Variants in XRRA1 observed in about 807,000 individuals in gnomAD.
The protein encoded by XRRA1 is X-ray radiation resistance-associated protein 1.
A neutral mutation model predicts 80.2 loss-of-function variants in XRRA1; 69 were observed. That is an observed-to-expected ratio of 0.86 (90% CI 0.71 to 1.05). The LOEUF (loss-of-function observed/expected upper bound fraction) is 1.05, where lower values mean the gene tolerates loss of function less well. Among genes scored for constraint, XRRA1 ranks in the 50% least tolerant of loss-of-function variants. XRRA1 has a pLI of 0.00. For synonymous variants in XRRA1, 348 were observed against 389.9 expected, an observed-to-expected ratio of 0.89 and a Z score of 1.27; for missense variants, 967 against 976.4, an observed-to-expected ratio of 0.99 and a Z score of 0.13.
intron 8 of XRRA1, among the ~76,000 whole-genome samples, chr11:74,915,089 G>A (rs1938176591): frequency 6.6e-6 from 1 of 152,178 alleles, no homozygotes; most frequent in Admixed American, 6.5e-5. Context: ...GCCCCACACA[G>A]GAGTGACCAA....
intron 8 of XRRA1, among the ~76,000 whole-genome samples, chr11:74,917,805 T>C (rs1565400629): frequency 1.3e-5 from 2 of 152,172 alleles, no homozygotes; most frequent in East Asian, 1.9e-4. Flanking sequence ...GAGGTACTTT[T>C]ACCAAGAGAC....
chr11:74,844,404 A>G, intron 16 of XRRA1, 121 bp from the exon 17 acceptor site: 1 of 702,624 alleles, frequency 1.4e-6, no homozygotes, highest in Non-Finnish European at 2.5e-6. Flanking sequence ...GAGAGTCCCC[A>G]AAAGAAAACA....
chr11:74,920,878 G>A (rs1940531508), intron 8 of XRRA1, among the ~76,000 whole-genome samples: 1 of 152,228 alleles, frequency 6.6e-6, no homozygotes. Context: ...CAGCAAAGGT[G>A]CAGAGTGGGA....
At chr11:74,921,453 C>G (rs966719353) in intron 7 of XRRA1, 106 bp from the exon 8 acceptor site, 2 of 1,402,814 alleles carry the variant, frequency 1.4e-6, no homozygotes, top group South Asian at 2.7e-5. Flanking sequence ...GCCCACAGGA[C>G]AAAACCCTCC....
intron 11 of XRRA1, among the ~76,000 whole-genome samples, chr11:74,862,550 A>G (rs2135962382): frequency 6.6e-6 from 1 of 152,388 alleles, no homozygotes; most frequent in Non-Finnish European, 1.5e-5. Flanking sequence ...TAAGCCTGTG[A>G]CATCAACGAT....
At chr11:74,935,839 C>T (rs1944839698) in intron 4 of XRRA1, among the ~76,000 whole-genome samples, 1 of 152,034 alleles carries the variant, frequency 6.6e-6, no homozygotes, top group Non-Finnish European at 1.5e-5. Context: ...GGGTAACAAG[C>T]TGTATTTATT....
chr11:74,901,790 A>G (rs998950228), intron 10 of XRRA1, among the ~76,000 whole-genome samples: 2 of 152,120 alleles, frequency 1.3e-5, no homozygotes, highest in Admixed American at 1.3e-4. Flanking sequence ...TGAATTAAAT[A>G]TAAGACCTCA....
intron 7 of XRRA1, among the ~76,000 whole-genome samples, chr11:74,923,051 C>T (rs758242026): frequency 6.6e-6 from 1 of 152,128 alleles, no homozygotes; most frequent in Non-Finnish European, 1.5e-5. Context: ...TGAAGACAGA[C>T]CAATCAGGGC....
chr11:74,908,378 TCA>T (rs1427203995), intron 8 of XRRA1, among the ~76,000 whole-genome samples: 2 of 152,098 alleles, frequency 1.3e-5, no homozygotes. Flanking sequence ...ATCACACCTT[TCA>T]CATTCACCTC....
chr11:74,875,901 T>G (rs550178583), intron 10 of XRRA1, among the ~76,000 whole-genome samples: 1 of 152,202 alleles, frequency 6.6e-6, no homozygotes, highest in Non-Finnish European at 1.5e-5. Context: ...AACAGGCATC[T>G]CCTTCCTCCT....
Position 74,949,091 on chromosome 11 carries a change from T to A in XRRA1, c.-236A>T, listed in dbSNP as rs183479264. The A allele has an allele frequency of 7.9e-4, 420 of 530,874 alleles. 1 individual carries two copies. Among genetic ancestry groups the A allele is most frequent in the Non-Finnish European group, 1.3e-3 (381 of 299,752 alleles). The allele number at this position is 530,874 out of a possible 1,614,324, so 32.9% of individuals were successfully genotyped here. On this transcript the variant is annotated 5_prime_UTR_variant, in exon 1 of 19. Coordinates refer to ENST00000684022, the MANE Select transcript of XRRA1 (RefSeq NM_001378157.1). Reference sequence around the variant, plus strand: ...GTAACTGCGACGCGACGGCAGACAGTGTAGGCGGCAACCGACGGCCGGGAC... The same window carrying A: ...GTAACTGCGACGCGACGGCAGACAGAGTAGGCGGCAACCGACGGCCGGGAC...
chr11:74,906,998 G>T, intron 9 of XRRA1, 147 bp downstream of exon 9: 1 of 1,102,314 alleles, frequency 9.1e-7, no homozygotes, highest in Non-Finnish European at 1.3e-6. Context: ...TCAGAGGGGA[G>T]AAATGACTTA....
intron 10 of XRRA1, among the ~76,000 whole-genome samples, chr11:74,864,961 T>C (rs1425421421): frequency 6.6e-6 from 1 of 152,152 alleles, no homozygotes; most frequent in African/African-American, 2.4e-5. Flanking sequence ...GGAAGACACA[T>C]GCCCCTCTGA....
chr11:74,849,443 G>A (rs1477775506), intron 14 of XRRA1, among the ~76,000 whole-genome samples: 2 of 152,164 alleles, frequency 1.3e-5, no homozygotes, highest in Non-Finnish European at 2.9e-5. Context: ...AAAATATGTG[G>A]AACCTCAGTG....
At chr11:74,867,759 C>G (rs912643239) in intron 10 of XRRA1, among the ~76,000 whole-genome samples, 1 of 151,932 alleles carries the variant, frequency 6.6e-6, no homozygotes, top group African/African-American at 2.4e-5. Flanking sequence ...AGACCATCCC[C>G]AAGAAACATA....
intron 10 of XRRA1, among the ~76,000 whole-genome samples, chr11:74,866,798 G>GTT (rs146314197): frequency 0.024 from 3,618 of 151,952 alleles, 120 homozygotes; most frequent in African/African-American, 0.083. Flanking sequence ...TACAGTCAGA[G>GTT]GAGAAAAAAG....
At chr11:74,938,695 C>A (rs1364056090) in intron 3 of XRRA1, among the ~76,000 whole-genome samples, 3 of 152,050 alleles carry the variant, frequency 2.0e-5, no homozygotes, top group African/African-American at 7.3e-5. Context: ...TGCCCTCACC[C>A]AATGAATTGA....
At chr11:74,871,258 A>C (rs2044708763) in intron 10 of XRRA1, among the ~76,000 whole-genome samples, 2 of 152,168 alleles carry the variant, frequency 1.3e-5, no homozygotes, top group Non-Finnish European at 2.9e-5. Context: ...CAAGAGTAGC[A>C]CCTTTTAACA....
chr11:74,894,630 C>A (rs780900951), intron 10 of XRRA1, among the ~76,000 whole-genome samples: 7 of 152,148 alleles, frequency 4.6e-5, no homozygotes, highest in Admixed American at 1.3e-4. Context: ...TGAGAACTCA[C>A]TATCATGAGA....
Sources: gnomAD v4.1 joint callset for allele counts (sites outside exome capture counted in the v4.1 genomes callset) on GRCh38, gnomAD v4.1.1 for gene constraint, MANE v1.5 for transcripts, NCBI Gene and HGNC (gene_info 2026-07-23, HGNC 2026-07-21) for gene names.